The following REDIC1 variants were observed in gnomAD, a reference collection of about 807,000 sequenced individuals.
REDIC1 encodes HEI10 Interacting Protein 1.
the REDIC1 span, among the ~76,000 whole-genome samples, chr12:39,867,996 CTACT>C: frequency 6.6e-6 from 1 of 152,206 alleles, no homozygotes; most frequent in African/African-American, 2.4e-5. Flanking sequence ...GTCCTATCAT[CTACT>C]CATATACACT....
the REDIC1 span, among the ~76,000 whole-genome samples, chr12:39,702,277 A>G: frequency 6.6e-6 from 1 of 152,204 alleles, no homozygotes; most frequent in Non-Finnish European, 1.5e-5. Context: ...ACAGAAATAC[A>G]AACTACCATC....
the REDIC1 span, among the ~76,000 whole-genome samples, chr12:39,860,743 T>C: frequency 3.9e-5 from 6 of 152,196 alleles, no homozygotes; most frequent in Non-Finnish European, 8.8e-5. Context: ...GATTTTTCTC[T>C]CCTAATACAC....
chr12:39,747,126 C>T, the REDIC1 span, among the ~76,000 whole-genome samples: 1 of 152,184 alleles, frequency 6.6e-6, no homozygotes, highest in African/African-American at 2.4e-5. Context: ...TCAGACTTCT[C>T]TGAGCTAAAG....
At chr12:39,716,598 T>G in the REDIC1 span, among the ~76,000 whole-genome samples, 1 of 152,070 alleles carries the variant, frequency 6.6e-6, no homozygotes, top group Non-Finnish European at 1.5e-5. Context: ...AATTGTAAGG[T>G]GCCAAGTATC....
chr12:39,821,785 T>A, the REDIC1 span, among the ~76,000 whole-genome samples: 1 of 152,142 alleles, frequency 6.6e-6, no homozygotes, highest in Non-Finnish European at 1.5e-5. Flanking sequence ...CTCATGTGGA[T>A]AAGACTGAAT....
At chr12:39,746,099 G>C in the REDIC1 span, 1 of 151,868 alleles carries the variant, frequency 6.6e-6, no homozygotes. Context: ...CAGGACAGTG[G>C]GTGCAGCCCA....
At chr12:39,711,537 ATATATGTATGTGCATACACATGCATGTG>A in the REDIC1 span, among the ~76,000 whole-genome samples, 2 of 116,804 alleles carry the variant, frequency 1.7e-5, no homozygotes, top group African/African-American at 7.0e-5. Flanking sequence ...GTGTATATAC[ATATATGTATGTGCATACACATGCATGTG>A]TATATGTGCA....
the REDIC1 span, among the ~76,000 whole-genome samples, chr12:39,896,538 A>G: frequency 2.7e-4 from 39 of 145,550 alleles, 1 homozygote; most frequent in East Asian, 4.0e-3. Context: ...ACATGTATGT[A>G]TGTATGTGTG....
the REDIC1 span, among the ~76,000 whole-genome samples, chr12:39,707,894 A>C: frequency 1.3e-5 from 2 of 151,906 alleles, no homozygotes; most frequent in Non-Finnish European, 2.9e-5. Flanking sequence ...GTTAAGTGAA[A>C]CAAGCCAGGC....
At chr12:39,712,809 T>A in the REDIC1 span, among the ~76,000 whole-genome samples, 114,527 of 144,636 alleles carry the variant, frequency 0.79, 46,072 homozygotes, top group Non-Finnish European at 0.86. Flanking sequence ...ATGTGTATAC[T>A]CGTATACATG....
chr12:39,756,898 A>AT, the REDIC1 span: 1 of 151,818 alleles, frequency 6.6e-6, no homozygotes, highest in Non-Finnish European at 1.5e-5. Context: ...TTCTCATAGC[A>AT]TTTTGTATCA....
At chr12:39,790,481 G>C in the REDIC1 span, among the ~76,000 whole-genome samples, 32 of 149,576 alleles carry the variant, frequency 2.1e-4, no homozygotes, top group Non-Finnish European at 4.4e-5. Flanking sequence ...TTGGTTTTTT[G>C]TTCTTGTGAT....
At chr12:39,855,522 G>T in the REDIC1 span, among the ~76,000 whole-genome samples, 1 of 152,122 alleles carries the variant, frequency 6.6e-6, no homozygotes, top group African/African-American at 2.4e-5. Context: ...TTGCAATTAC[G>T]TATCTGCATT....
the REDIC1 span, among the ~76,000 whole-genome samples, chr12:39,740,772 T>C: frequency 1.3e-5 from 2 of 152,282 alleles, no homozygotes; most frequent in Middle Eastern, 3.4e-3. Context: ...TTATTTTTAA[T>C]CTTCATAACT....
At chr12:39,679,624 C>T in the REDIC1 span, among the ~76,000 whole-genome samples, 2 of 152,146 alleles carry the variant, frequency 1.3e-5, no homozygotes, top group South Asian at 4.1e-4. Context: ...TATCATTCTT[C>T]ACAGAACTAG....
chr12:39,704,464 A>G, the REDIC1 span, among the ~76,000 whole-genome samples: 3 of 152,220 alleles, frequency 2.0e-5, no homozygotes, highest in African/African-American at 7.2e-5. Flanking sequence ...ACACTTTTAC[A>G]CTGTTGGTGG....
At chr12:39,710,334 T>A in the REDIC1 span, among the ~76,000 whole-genome samples, 1 of 151,884 alleles carries the variant, frequency 6.6e-6, no homozygotes, top group African/African-American at 2.4e-5. Flanking sequence ...TAAATGTACA[T>A]ACAGGCAAAA....
chr12:39,709,035 T>G, the REDIC1 span, among the ~76,000 whole-genome samples: 1 of 151,792 alleles, frequency 6.6e-6, no homozygotes, highest in Non-Finnish European at 1.5e-5. Flanking sequence ...TTTTTTACAT[T>G]TAGTAGTTGC....
At chr12:39,734,304 C>T in the REDIC1 span, among the ~76,000 whole-genome samples, 9 of 152,310 alleles carry the variant, frequency 5.9e-5, no homozygotes, top group African/African-American at 2.2e-4. Context: ...AATCACCCAC[C>T]TTCTGCATTG....
Sources: allele counts gnomAD v4.1 joint callset (sites outside exome capture counted in the v4.1 genomes callset), GRCh38; gene constraint gnomAD v4.1.1; transcripts MANE v1.5; gene names NCBI Gene and HGNC (gene_info 2026-07-23, HGNC 2026-07-21).